DNAH8: variants seen among roughly 807,000 people sequenced by gnomAD.
DNAH8 encodes the protein axonemal beta dynein heavy chain 8.
In DNAH8, 382 loss-of-function variants were observed where a neutral mutation model predicts 562.1. The ratio of observed to expected loss-of-function variants is 0.68; its 90% confidence interval spans 0.63 to 0.74. The LOEUF (loss-of-function observed/expected upper bound fraction) is 0.74, where lower values mean the gene tolerates loss of function less well. Among genes scored for constraint, DNAH8 ranks in the 30% least tolerant of loss-of-function variants. The probability of loss-of-function intolerance (pLI) is 0.00; values close to 1 mark genes in which losing one functional copy is unlikely to be tolerated. For synonymous variants in DNAH8, 1,881 were observed against 1,919.4 expected (o/e 0.98, Z 0.52); for missense variants, 5,203 against 5,620.4 (o/e 0.93, Z 2.37).
At chr6:38,840,428 A>G (rs760308342) in intron 33 of DNAH8, among the ~76,000 whole-genome samples, 9 of 152,246 alleles carry the variant, frequency 5.9e-5, no homozygotes, top group Non-Finnish European at 1.2e-4. Flanking sequence ...ACTTATGTAA[A>G]TATAAATAAT....
Position 38,722,932 on chromosome 6 carries a change from C to T in DNAH8, c.123C>T (p.Ala41=). 1.9e-6 allele frequency: 3 copies of T among 1,612,500 alleles called. No individual in the cohort carries two copies. The highest frequency in any genetic ancestry group is 2.5e-6 in the Non-Finnish European group (3 of 1,179,670). ...EEAPRPPTVE[A]PAEDGFSPSA... ...CCCCGCGCCCTCCGACAGTGGAGGC[C>T]CCGGCAGAAGATGGTTTCTCTCCTT... Residue 41 remains alanine, a synonymous_variant, in exon 2 of 93, where the codon GCC becomes GCT. Transcript: ENST00000327475.
At chr6:39,029,259 G>C (rs902663183) in intron 92 of DNAH8, among the ~76,000 whole-genome samples, 3 of 152,016 alleles carry the variant, frequency 2.0e-5, no homozygotes, top group Non-Finnish European at 4.4e-5. Flanking sequence ...TTCTGCCTGT[G>C]ATGCCTACGC....
intron 53 of DNAH8, 98 bp from the exon 54 acceptor site, chr6:38,882,812 G>C (rs1047620259): frequency 2.7e-6 from 2 of 752,028 alleles, no homozygotes; most frequent in African/African-American, 3.6e-5. Context: ...ATGTTTATAC[G>C]ATTCTATTGA....
chr6:38,847,718 G>A (rs1000305697), intron 36 of DNAH8, among the ~76,000 whole-genome samples: 12 of 152,178 alleles, frequency 7.9e-5, no homozygotes, highest in Non-Finnish European at 1.5e-4. Context: ...ACCAGCAAAT[G>A]TCACTGCACC....
rs1781543149 is a variant in DNAH8, at chr6:38,919,535, T to G, written c.10524+1395T>G. Reference sequence around the variant, plus strand: ...TATATAGAAATTTTACATGATACTATTTTTCAGGTTGAATAACTACATTGA... The same window carrying G: ...TATATAGAAATTTTACATGATACTAGTTTTCAGGTTGAATAACTACATTGA... On this transcript the variant is annotated intron_variant, in intron 70 of 92. Transcript: ENST00000327475. Among the ~76,000 whole-genome samples the G allele has an allele frequency of 2.6e-5, 4 of 152,184 alleles. No homozygotes were observed. The South Asian group carries it at 8.3e-4, about 31-fold the overall frequency.
In DNAH8 at chr6:38,883,128, C is replaced by T. The variant is rs982793026; in HGVS notation, c.8001+76C>T. ...GGGAATATGCACCCATATTTTCTTCCAGCACTTTTATAGTACACATTTTAC... is the reference window on the plus strand; with the variant it reads ...GGGAATATGCACCCATATTTTCTTCTAGCACTTTTATAGTACACATTTTAC... On this transcript the variant is annotated intron_variant, in intron 54 of 92. Transcript: ENST00000327475. 1.2e-5 allele frequency: 17 copies of T among 1,411,828 alleles called. No homozygotes were observed. In the African/African-American group the frequency reaches 1.9e-4, roughly 16 times the overall value. The allele number at this position is 1,411,828 out of a possible 1,614,324, so 87.5% of individuals were successfully genotyped here.
At chr6:38,722,580 G>GTA (rs1491263334) in intron 1 of DNAH8, among the ~76,000 whole-genome samples, 196 bp from the exon 2 acceptor site, 6 of 123,146 alleles carry the variant, frequency 4.9e-5, no homozygotes, top group Non-Finnish European at 7.2e-5. Flanking sequence ...CCAGGTGGGT[G>GTA]GGGGTGTGTG....
At chr6:38,941,072 A>T (rs1425428864) in intron 79 of DNAH8, among the ~76,000 whole-genome samples, 2 of 151,946 alleles carry the variant, frequency 1.3e-5, no homozygotes, top group Non-Finnish European at 1.5e-5. Context: ...GTGAGCAGAG[A>T]TCATGCCACT....
At chr6:38,848,579 A>T in intron 36 of DNAH8, 69 bp from the exon 37 acceptor site, 1 of 1,272,402 alleles carries the variant, frequency 7.9e-7, no homozygotes, top group Non-Finnish European at 1.1e-6. Context: ...TCTGGAATTT[A>T]CTTCGGTAAG....
chr6:38,982,296 A>C (rs1238223759), intron 85 of DNAH8, 50 bp from the exon 86 acceptor site: 2 of 783,468 alleles, frequency 2.6e-6, no homozygotes, highest in Non-Finnish European at 4.5e-6. Flanking sequence ...GATAGCAATA[A>C]AAATGGAATC....
intron 6 of DNAH8, 86 bp downstream of exon 6, chr6:38,737,342 C>A: frequency 1.2e-6 from 1 of 830,658 alleles, no homozygotes; most frequent in Non-Finnish European, 1.7e-6. Flanking sequence ...AAGTTTCTAT[C>A]TTAAAAGATG....
chr6:38,737,694 T>G, intron 6 of DNAH8, 115 bp from the exon 7 acceptor site: 1 of 396,320 alleles, frequency 2.5e-6, no homozygotes, highest in Non-Finnish European at 3.8e-6. Flanking sequence ...CATTGACTTT[T>G]AACACATTGA....
intron 74 of DNAH8, among the ~76,000 whole-genome samples, chr6:38,927,315 T>G (rs1014791016): frequency 2.6e-5 from 4 of 152,196 alleles, no homozygotes; most frequent in African/African-American, 4.8e-5. Context: ...TGGTGAAATG[T>G]TGAAAGATTT....
At chr6:38,870,899 G>A (rs1488031956) in intron 49 of DNAH8, among the ~76,000 whole-genome samples, 2 of 152,182 alleles carry the variant, frequency 1.3e-5, no homozygotes, top group African/African-American at 2.4e-5. Flanking sequence ...GCTGCAGCTG[G>A]GTGCCTCAGT....
intron 89 of DNAH8, among the ~76,000 whole-genome samples, chr6:39,010,956 T>C (rs1300025566): frequency 6.6e-6 from 1 of 152,030 alleles, no homozygotes; most frequent in Admixed American, 6.6e-5. Context: ...ATGTAGGCTC[T>C]AGAACCAAGA....
At chr6:38,966,327 T>C (rs1762968173) in intron 82 of DNAH8, among the ~76,000 whole-genome samples, 1 of 152,216 alleles carries the variant, frequency 6.6e-6, no homozygotes, top group South Asian at 2.1e-4. Flanking sequence ...ATAAGAAGTA[T>C]GGAGATTTAT....
intron 10 of DNAH8, among the ~76,000 whole-genome samples, chr6:38,756,790 G>A (rs571303622): frequency 1.3e-5 from 2 of 151,492 alleles, no homozygotes; most frequent in East Asian, 1.9e-4. Context: ...TTGTCCTTGC[G>A]ATAGTTTGCT....
chr6:38,962,058 A>T (rs894269352), intron 82 of DNAH8, among the ~76,000 whole-genome samples: 3 of 152,042 alleles, frequency 2.0e-5, no homozygotes, highest in African/African-American at 4.8e-5. Flanking sequence ...CCTCTTCATT[A>T]TAGCAATAAA....
chr6:38,785,347 GA>G (rs1769048776), intron 17 of DNAH8, among the ~76,000 whole-genome samples: 1 of 152,124 alleles, frequency 6.6e-6, no homozygotes, highest in African/African-American at 2.4e-5. Context: ...CACATACGAT[GA>G]AATGCTTGTC....
Sources: allele counts gnomAD v4.1 joint callset (sites outside exome capture counted in the v4.1 genomes callset), GRCh38; gene constraint gnomAD v4.1.1; transcripts MANE v1.5; gene names NCBI Gene and HGNC (gene_info 2026-07-23, HGNC 2026-07-21).